Variants in CTNND2 observed in about 807,000 individuals in gnomAD.
The protein encoded by CTNND2 is catenin delta-2.
Under a neutral mutation model 144.4 loss-of-function variants are expected in CTNND2, and 22 were observed. The ratio of observed to expected loss-of-function variants is 0.15; its 90% CI spans 0.11 to 0.22. The LOEUF (loss-of-function observed/expected upper bound fraction) is 0.22. Ranked by LOEUF, CTNND2 falls within the 10% of genes least tolerant of loss-of-function variation. The pLI is 1.00. For missense variants in CTNND2, 1,353 were observed against 1,618.8 expected (o/e 0.84, Z 2.82); for synonymous variants, 751 against 695.6 (o/e 1.08, Z -1.25).
At chr5:11,481,909 C>T (rs1222191216) in intron 3 of CTNND2, among the ~76,000 whole-genome samples, 4 of 152,116 alleles carry the variant, frequency 2.6e-5, no homozygotes, top group African/African-American at 7.2e-5. Context: ...CCCCAGAAGG[C>T]CCCATTTGAG....
intron 8 of CTNND2, among the ~76,000 whole-genome samples, chr5:11,346,849 A>G (rs1459774752): frequency 1.3e-5 from 2 of 152,216 alleles, no homozygotes; most frequent in African/African-American, 2.4e-5. Flanking sequence ...TATGGGGGGA[A>G]TGCATCTGTT....
At chr5:11,640,710 G>T (rs1173519281) in intron 2 of CTNND2, among the ~76,000 whole-genome samples, 2 of 152,164 alleles carry the variant, frequency 1.3e-5, no homozygotes. Context: ...CGCAAAAACA[G>T]AGAACACAAG....
intron 8 of CTNND2, among the ~76,000 whole-genome samples, chr5:11,349,998 G>A (rs1014876415): frequency 8.5e-5 from 13 of 152,236 alleles, no homozygotes; most frequent in East Asian, 3.9e-4. Context: ...TTAGTCGGGC[G>A]TGGTGGCACG....
chr5:11,841,435 G>T (rs991705364), intron 1 of CTNND2, among the ~76,000 whole-genome samples: 2 of 152,130 alleles, frequency 1.3e-5, no homozygotes, highest in Non-Finnish European at 2.9e-5. Flanking sequence ...GTCATAAGTT[G>T]ATTAAGTCTG....
chr5:11,028,832 C>T (rs1451806467), intron 16 of CTNND2, among the ~76,000 whole-genome samples: 2 of 152,186 alleles, frequency 1.3e-5, no homozygotes, highest in African/African-American at 4.8e-5. Flanking sequence ...CCTCAGCCTC[C>T]TGAGTAGCTG....
chr5:10,979,867 C>G (rs1215240423), intron 21 of CTNND2, among the ~76,000 whole-genome samples: 1 of 152,160 alleles, frequency 6.6e-6, no homozygotes, highest in Non-Finnish European at 1.5e-5. Flanking sequence ...AAAACTGAAA[C>G]TGGACCCCTT....
chr5:11,615,158 G>A (rs1780520933), intron 2 of CTNND2, among the ~76,000 whole-genome samples: 1 of 152,100 alleles, frequency 6.6e-6, no homozygotes, highest in African/African-American at 2.4e-5. Flanking sequence ...TGGTGCAAAG[G>A]TAATTGCAAA....
At chr5:11,014,201 T>C (rs1449476807) in intron 18 of CTNND2, among the ~76,000 whole-genome samples, 1 of 152,152 alleles carries the variant, frequency 6.6e-6, no homozygotes, top group East Asian at 1.9e-4. Flanking sequence ...ATCTTTTAAT[T>C]CTATGACCTC....
In CTNND2 at chr5:11,794,500, A is replaced by G. The variant is rs1012387381; in HGVS notation, c.38-62228T>C. ...AGAGGACTGGAATCTTGCTGTGTCA[A>G]TTTGTGTTTTTCTCTTTGATTTGCT... On this transcript the variant is annotated intron_variant, in intron 1 of 21. Coordinates refer to ENST00000304623, the MANE Select transcript of CTNND2 (RefSeq NM_001332.4). 2.4e-4 allele frequency among the ~76,000 whole-genome samples: 36 copies of G among 152,264 alleles called. 1 individual carries two copies. The Middle Eastern group carries it at 0.01, about 43-fold the overall frequency.
intron 1 of CTNND2, among the ~76,000 whole-genome samples, chr5:11,757,473 T>A (rs1561769253): frequency 6.6e-6 from 1 of 151,868 alleles, no homozygotes; most frequent in Non-Finnish European, 1.5e-5. Flanking sequence ...TTAGAATAAA[T>A]TCCTAGAAAT....
intron 3 of CTNND2, among the ~76,000 whole-genome samples, chr5:11,430,469 C>T (rs911449972): frequency 4.7e-5 from 7 of 149,412 alleles, no homozygotes; most frequent in Non-Finnish European, 1.0e-4. Context: ...AGCATGTTTC[C>T]TTTCCTTTGT....
chr5:11,392,073 G>A (rs1467749565), intron 6 of CTNND2, among the ~76,000 whole-genome samples: 1 of 152,212 alleles, frequency 6.6e-6, no homozygotes, highest in African/African-American at 2.4e-5. Flanking sequence ...GAAAGAACAA[G>A]AGAGAAAGTG....
intron 9 of CTNND2, among the ~76,000 whole-genome samples, chr5:11,250,483 C>CTATATATA (rs1265877831): frequency 3.1e-5 from 2 of 65,426 alleles, no homozygotes; most frequent in South Asian, 5.4e-4. Flanking sequence ...CTCTCTCTCT[C>CTATATATA]TCTCTCTCTA....
intron 1 of CTNND2, among the ~76,000 whole-genome samples, chr5:11,745,596 T>A (rs1217630033): frequency 2.0e-5 from 3 of 152,144 alleles, no homozygotes; most frequent in Admixed American, 2.0e-4. Flanking sequence ...TAAGCCACAA[T>A]CTACTGCAAA....
chr5:11,285,791 T>C (rs902923899), intron 9 of CTNND2, among the ~76,000 whole-genome samples: 3 of 86,704 alleles, frequency 3.5e-5, no homozygotes, highest in South Asian at 3.3e-4. Context: ...CTGCTACCCA[T>C]AGGAACTAAG....
At chr5:11,533,835 G>T (rs1773977996) in intron 3 of CTNND2, among the ~76,000 whole-genome samples, 1 of 152,178 alleles carries the variant, frequency 6.6e-6, no homozygotes, top group South Asian at 2.1e-4. Context: ...ACAAGATTCT[G>T]ATGTCAATGT....
intron 5 of CTNND2, 71 bp downstream of exon 5, chr5:11,411,465 T>G: frequency 1.3e-6 from 1 of 788,186 alleles, no homozygotes; most frequent in South Asian, 1.6e-5. Context: ...ATAACAGTAA[T>G]GATATTAGAA....
chr5:11,650,993 C>T (rs1172273528), intron 2 of CTNND2, among the ~76,000 whole-genome samples: 1 of 152,158 alleles, frequency 6.6e-6, no homozygotes, highest in Non-Finnish European at 1.5e-5. Context: ...AAGCCAGCTG[C>T]AGAAATTTGC....
intron 2 of CTNND2, among the ~76,000 whole-genome samples, chr5:11,706,517 A>C (rs1433352436): frequency 6.6e-6 from 1 of 152,198 alleles, no homozygotes; most frequent in South Asian, 2.1e-4. Context: ...AAGGCAGATA[A>C]GCACCACCAA....
Sources: allele counts gnomAD v4.1 joint callset (sites outside exome capture counted in the v4.1 genomes callset), GRCh38; gene constraint gnomAD v4.1.1; transcripts MANE v1.5; gene names NCBI Gene and HGNC (gene_info 2026-07-23, HGNC 2026-07-21).